Variants in SYT9 observed in about 807,000 individuals in gnomAD.
The protein encoded by SYT9 is synaptotagmin-9.
A neutral mutation model predicts 48.4 loss-of-function variants in SYT9; 22 were observed. The observed-to-expected ratio is 0.45, with a 90% CI of 0.32 to 0.65. The LOEUF (loss-of-function observed/expected upper bound fraction) is 0.65. SYT9 is among the 30% of genes least tolerant of loss of function. The pLI, the probability that SYT9 is intolerant of heterozygous loss-of-function variation, is 0.03. For missense variants in SYT9, 577 were observed against 622.0 expected, an observed-to-expected ratio of 0.93 and a Z score of 0.77; for synonymous variants, 265 against 245.0, an observed-to-expected ratio of 1.08 and a Z score of -0.76.
intron 1 of SYT9, among the ~76,000 whole-genome samples, chr11:7,246,220 G>A (rs138742699): frequency 2.6e-5 from 4 of 152,294 alleles, no homozygotes; most frequent in Admixed American, 2.6e-4. Context: ...TTCTGCCACA[G>A]TCCCTGCTGG....
At chr11:7,343,742 G>A (rs1225043192) in intron 3 of SYT9, among the ~76,000 whole-genome samples, 5 of 152,032 alleles carry the variant, frequency 3.3e-5, no homozygotes, top group Non-Finnish European at 7.4e-5. Flanking sequence ...GTATTAGTTC[G>A]TTTTCACACT....
intron 3 of SYT9, among the ~76,000 whole-genome samples, chr11:7,355,361 G>A (rs969959286): frequency 6.6e-6 from 1 of 152,320 alleles, no homozygotes; most frequent in Middle Eastern, 3.4e-3. Flanking sequence ...TTACCCCAGT[G>A]TGCACCAGAT....
At chr11:7,295,632 C>T (rs1222405007) in intron 1 of SYT9, among the ~76,000 whole-genome samples, 1 of 152,136 alleles carries the variant, frequency 6.6e-6, no homozygotes, top group Non-Finnish European at 1.5e-5. Flanking sequence ...CAAAATTCTT[C>T]CAGTTTCTAC....
Position 7,418,126 on chromosome 11 carries a change from C to G in SYT9, c.1335C>G (p.Asp445Glu), listed in dbSNP as rs781298633. ...IHLSIAVMDY[D>E]RVGHNEIIGV... is the part of the protein sequence containing the mutation. Reference sequence around the variant, plus strand: ...TGTCCATAGCAGTCATGGACTATGACCGGTGAGATACCTGGAACTCTTTTC... The same window carrying G: ...TGTCCATAGCAGTCATGGACTATGAGCGGTGAGATACCTGGAACTCTTTTC... The change falls in exon 5 of 7, where the codon GAC becomes GAG. Residue 445 changes from aspartate to glutamate, a missense_variant and splice_region_variant. By Grantham distance (45) the Asp-to-Glu change is conservative (BLOSUM62 2). Transcript: ENST00000318881. The G allele has an allele frequency of 1.9e-5, 30 of 1,612,878 alleles. No individual in the cohort carries two copies. The highest frequency in any genetic ancestry group is 2.5e-5 in the Non-Finnish European group (30 of 1,179,552).
At chr11:7,244,588 T>C (rs1406022934) in intron 1 of SYT9, among the ~76,000 whole-genome samples, 2 of 152,152 alleles carry the variant, frequency 1.3e-5, no homozygotes, top group Non-Finnish European at 2.9e-5. Context: ...TTTGGATAAT[T>C]AGGAAGTTTT....
chr11:7,261,714 C>T (rs574445651), intron 1 of SYT9, among the ~76,000 whole-genome samples: 21 of 152,030 alleles, frequency 1.4e-4, no homozygotes, highest in Admixed American at 1.2e-3. Context: ...GGGGGAAGAG[C>T]GTTCCAGGCA....
chr11:7,455,846 G>A (rs1848142481), intron 6 of SYT9, among the ~76,000 whole-genome samples: 1 of 151,978 alleles, frequency 6.6e-6, no homozygotes, highest in African/African-American at 2.4e-5. Context: ...GTAAATTCTG[G>A]GCAAAAATGG....
intron 3 of SYT9, among the ~76,000 whole-genome samples, chr11:7,360,971 C>G (rs538226916): frequency 4.7e-4 from 71 of 152,138 alleles, no homozygotes; most frequent in Non-Finnish European, 8.7e-4. Context: ...ATTAAGTTTT[C>G]AAATTTCTTG....
At chr11:7,312,315 ATGTTTACTCTGCCTCTCCAAC>A (rs1371187739) in intron 2 of SYT9, among the ~76,000 whole-genome samples, 1 of 152,178 alleles carries the variant, frequency 6.6e-6, no homozygotes, top group East Asian at 1.9e-4. Context: ...GCAAATTCAA[ATGTTTACTCTGCCTCTCCAAC>A]TGTTTACCAA....
intron 6 of SYT9, chr11:7,454,344 C>G: frequency 1.0e-6 from 1 of 976,990 alleles, no homozygotes; most frequent in Non-Finnish European, 1.2e-6. Flanking sequence ...CTCTGCTGCA[C>G]TCCAGGCTTC....
chr11:7,303,247 T>C lies in SYT9; in HGVS notation c.354T>C (p.Pro118=), dbSNP rs1437213380. ...AGAACAGTGAGGACTTCCTAGATCCTCCCACGCCCTGCCCTGACTCCTCCA... is the reference window on the plus strand; with the variant it reads ...AGAACAGTGAGGACTTCCTAGATCCCCCCACGCCCTGCCCTGACTCCTCCA... The part of the protein sequence containing the change: ...EQENSEDFLD[P]PTPCPDSSMK... Residue 118 remains proline, a synonymous_variant, in exon 2 of 7, where the codon CCT becomes CCC. Coordinates refer to ENST00000318881, the MANE Select transcript of SYT9 (RefSeq NM_175733.4). The C allele has an allele frequency of 6.2e-7, 1 of 1,613,874 alleles. No individual in the cohort carries two copies.
intron 3 of SYT9, among the ~76,000 whole-genome samples, chr11:7,371,036 G>A (rs897474711): frequency 3.3e-5 from 5 of 152,066 alleles, no homozygotes; most frequent in African/African-American, 1.2e-4. Context: ...TACTTTGATA[G>A]ACTTTTGTAC....
At chr11:7,289,890 G>T (rs1848667717) in intron 1 of SYT9, among the ~76,000 whole-genome samples, 1 of 152,202 alleles carries the variant, frequency 6.6e-6, no homozygotes, top group Admixed American at 6.5e-5. Flanking sequence ...TATTTTAGTA[G>T]CATGAATTAT....
chr11:7,270,163 C>G lies in SYT9; in HGVS notation c.145+17832C>G, dbSNP rs896639887. On this transcript the variant is annotated intron_variant, in intron 1 of 6. Transcript: ENST00000318881. Reference sequence around the variant, plus strand: ...TAACTCCTTAAATGTACAATAATACCATATTGACAATGTTTATTCTTATTA... The same window carrying G: ...TAACTCCTTAAATGTACAATAATACGATATTGACAATGTTTATTCTTATTA... 2.6e-5 allele frequency among the ~76,000 whole-genome samples: 4 copies of G among 152,012 alleles called. No homozygotes were observed. In the East Asian group the frequency reaches 7.7e-4, roughly 29 times the overall value.
intron 6 of SYT9, among the ~76,000 whole-genome samples, chr11:7,443,543 C>T (rs1375226958): frequency 6.6e-6 from 1 of 152,238 alleles, no homozygotes; most frequent in African/African-American, 2.4e-5. Context: ...CTCCTGGGAG[C>T]CAAGGCCAGT....
intron 1 of SYT9, among the ~76,000 whole-genome samples, chr11:7,246,784 T>C (rs899351485): frequency 3.9e-5 from 6 of 152,230 alleles, no homozygotes; most frequent in Admixed American, 3.9e-4. Context: ...TATTGTCTGC[T>C]GTGCTCATTT....
intron 3 of SYT9, among the ~76,000 whole-genome samples, chr11:7,380,821 C>G (rs1375142310): frequency 6.6e-6 from 1 of 152,058 alleles, no homozygotes; most frequent in Non-Finnish European, 1.5e-5. Context: ...CTTTTATTTT[C>G]ACATGCATTA....
chr11:7,442,966 ATG>A (rs1384441519), intron 6 of SYT9, among the ~76,000 whole-genome samples: 4 of 152,166 alleles, frequency 2.6e-5, no homozygotes, highest in Non-Finnish European at 5.9e-5. Flanking sequence ...AGTGAGGAAA[ATG>A]AGAGAGAGGG....
At chr11:7,435,408 A>G (rs1847683316) in intron 6 of SYT9, 1 of 152,250 alleles carries the variant, frequency 6.6e-6, no homozygotes, top group Non-Finnish European at 1.5e-5. Flanking sequence ...ATAATTCTCT[A>G]AAGCCCCCAT....
Sources: allele counts gnomAD v4.1 joint callset (sites outside exome capture counted in the v4.1 genomes callset), GRCh38; gene constraint gnomAD v4.1.1; transcripts MANE v1.5; gene names NCBI Gene and HGNC (gene_info 2026-07-23, HGNC 2026-07-21).